Variants in KCNQ5 observed in about 807,000 individuals in gnomAD.
KCNQ5 encodes the protein potassium voltage-gated channel subfamily KQT member 5.
Under a neutral mutation model 98.2 loss-of-function variants are expected in KCNQ5, and 30 were observed. That is an observed-to-expected ratio of 0.31 (90% CI 0.23 to 0.41). The LOEUF (loss-of-function observed/expected upper bound fraction) is 0.41, where lower values mean the gene tolerates loss of function less well. Ranked by LOEUF, KCNQ5 falls within the 10% of genes least tolerant of loss-of-function variation. The pLI, the probability that KCNQ5 is intolerant of heterozygous loss-of-function variation, is 1.00. For synonymous variants in KCNQ5, 458 were observed against 449.4 expected (o/e 1.02, Z -0.24); for missense variants, 835 against 1,182.5 (o/e 0.71, Z 4.31).
At chr6:73,063,238 G>C (rs1772862373) in intron 3 of KCNQ5, among the ~76,000 whole-genome samples, 1 of 152,166 alleles carries the variant, frequency 6.6e-6, no homozygotes, top group Non-Finnish European at 1.5e-5. Context: ...GCTCATGACA[G>C]TAGGAAAGGA....
At chr6:72,997,557 C>T (rs181534925) in intron 1 of KCNQ5, among the ~76,000 whole-genome samples, 17 of 150,578 alleles carry the variant, frequency 1.1e-4, no homozygotes, top group African/African-American at 3.4e-4. Flanking sequence ...GGGCGGATCA[C>T]GAGGTCAGAA....
At chr6:72,646,398 A>C (rs189426326) in intron 1 of KCNQ5, among the ~76,000 whole-genome samples, 235 of 152,286 alleles carry the variant, frequency 1.5e-3, no homozygotes, top group African/African-American at 5.5e-3. Context: ...CTCTAAAAAT[A>C]AAAATACTAA....
intron 1 of KCNQ5, among the ~76,000 whole-genome samples, chr6:72,644,832 C>T (rs1765505009): frequency 6.6e-6 from 1 of 152,114 alleles, no homozygotes; most frequent in Admixed American, 6.5e-5. Flanking sequence ...CAAGCCAGTG[C>T]ATTTTCTGAA....
chr6:72,670,070 A>G (rs1348301759), intron 1 of KCNQ5, among the ~76,000 whole-genome samples: 1 of 152,146 alleles, frequency 6.6e-6, no homozygotes, highest in Non-Finnish European at 1.5e-5. Context: ...TACTCTGCTG[A>G]GTGTCCAGTT....
chr6:72,883,212 G>T (rs765050360), intron 1 of KCNQ5, among the ~76,000 whole-genome samples: 1 of 152,144 alleles, frequency 6.6e-6, no homozygotes, highest in Non-Finnish European at 1.5e-5. Flanking sequence ...GTTTAACAAC[G>T]TGATTTTCCC....
chr6:73,193,451 C>T (rs1051442689), intron 13 of KCNQ5, among the ~76,000 whole-genome samples: 1 of 83,338 alleles, frequency 1.2e-5, no homozygotes, highest in Non-Finnish European at 2.7e-5. Context: ...CATGGTGAAA[C>T]CCTGTCTCTA....
rs182818788 is a variant in KCNQ5 at position 73,147,009 on chromosome 6, G to T, written c.1468+13368G>T. 3.2e-3 allele frequency among the ~76,000 whole-genome samples: 485 copies of T among 152,246 alleles called. 2 individuals are homozygous for T. Among genetic ancestry groups the T allele is most frequent in the African/African-American group, 0.011 (444 of 41,542 alleles). ...GCTATGACTATAGTATGTTCTCAAG[G>T]AAATTCTTATGAAAATTGAATTAAT... On this transcript the variant is annotated intron_variant, in intron 10 of 13. Transcript: ENST00000370398.
chr6:72,838,735 G>A (rs1776629999), intron 1 of KCNQ5, among the ~76,000 whole-genome samples: 1 of 151,652 alleles, frequency 6.6e-6, no homozygotes, highest in Non-Finnish European at 1.5e-5. Context: ...CGGATCACGA[G>A]GTCAGGAGAT....
intron 1 of KCNQ5, among the ~76,000 whole-genome samples, chr6:72,965,884 T>C (rs549220120): frequency 6.6e-6 from 1 of 152,326 alleles, no homozygotes; most frequent in African/African-American, 2.4e-5. Flanking sequence ...GGAATAATAT[T>C]GTCATGGATT....
intron 10 of KCNQ5, among the ~76,000 whole-genome samples, chr6:73,165,709 C>CCA (rs2150499026): frequency 6.6e-6 from 1 of 152,196 alleles, no homozygotes; most frequent in East Asian, 1.9e-4. Flanking sequence ...CTTTGGGAGG[C>CCA]TGAGGTGGGC....
intron 1 of KCNQ5, among the ~76,000 whole-genome samples, chr6:73,002,293 T>C (rs977684639): frequency 2.6e-5 from 4 of 152,136 alleles, no homozygotes; most frequent in African/African-American, 9.7e-5. Flanking sequence ...GAGCCGAGAA[T>C]ACCACCACCA....
intron 1 of KCNQ5, among the ~76,000 whole-genome samples, chr6:72,771,223 G>A (rs1286583039): frequency 6.6e-6 from 1 of 152,024 alleles, no homozygotes; most frequent in African/African-American, 2.4e-5. Flanking sequence ...ACAACAGCAG[G>A]TCTCAAAAAG....
chr6:73,015,783 G>A (rs1325841617), intron 2 of KCNQ5, among the ~76,000 whole-genome samples: 2 of 152,104 alleles, frequency 1.3e-5, no homozygotes, highest in Non-Finnish European at 2.9e-5. Context: ...AAGTCAAAAT[G>A]TTTGTCAGTA....
rs145244119 is a variant in KCNQ5, at chr6:72,848,855, C to T, written c.399-155053C>T. On this transcript the variant is annotated intron_variant, in intron 1 of 13. Transcript: ENST00000370398. Reference sequence around the variant, plus strand: ...CTTGCTGCTGCCATGTGAAGAAGGACGTGTTTGCTTCCCCTTCTGCCATAA... The same window carrying T: ...CTTGCTGCTGCCATGTGAAGAAGGATGTGTTTGCTTCCCCTTCTGCCATAA... 5.8e-3 allele frequency among the ~76,000 whole-genome samples: 887 copies of T among 152,214 alleles called. 6 individuals carry two copies. The highest frequency in any genetic ancestry group is 0.02 in the African/African-American group (834 of 41,548).
intron 1 of KCNQ5, among the ~76,000 whole-genome samples, chr6:72,651,224 A>G (rs1190312144): frequency 2.6e-5 from 4 of 151,990 alleles, no homozygotes; most frequent in African/African-American, 7.2e-5. Context: ...TACTTTATCC[A>G]TCTCTTTTCC....
chr6:73,046,079 C>T (rs911220990), intron 3 of KCNQ5, among the ~76,000 whole-genome samples: 17 of 152,064 alleles, frequency 1.1e-4, no homozygotes, highest in Admixed American at 9.2e-4. Context: ...TCTAATATAT[C>T]TATGATTTCA....
At chr6:73,170,533 G>GTA (rs1161731762) in intron 11 of KCNQ5, among the ~76,000 whole-genome samples, 1 of 144,014 alleles carries the variant, frequency 6.9e-6, no homozygotes. Flanking sequence ...GGGAGAATTT[G>GTA]TATTTGTCAA....
intron 1 of KCNQ5, among the ~76,000 whole-genome samples, chr6:72,775,722 C>A (rs1459260519): frequency 1.3e-5 from 2 of 152,116 alleles, no homozygotes; most frequent in East Asian, 3.8e-4. Context: ...CTGTGGTCTT[C>A]CTCCCCAAAA....
At chr6:72,722,894 G>T (rs977057085) in intron 1 of KCNQ5, among the ~76,000 whole-genome samples, 3 of 140,194 alleles carry the variant, frequency 2.1e-5, no homozygotes, top group Non-Finnish European at 4.5e-5. Flanking sequence ...CTGTCACCCA[G>T]GCTGGAGTGT....
Sources: gnomAD v4.1 joint callset for allele counts (sites outside exome capture counted in the v4.1 genomes callset) on GRCh38, gnomAD v4.1.1 for gene constraint, MANE v1.5 for transcripts, NCBI Gene and HGNC (gene_info 2026-07-23, HGNC 2026-07-21) for gene names.